The following ATP2C2 variants were observed in gnomAD, a reference collection of about 807,000 sequenced individuals.
The protein encoded by ATP2C2 is calcium-transporting ATPase type 2C member 2.
In ATP2C2, 171 loss-of-function variants were observed where a neutral mutation model predicts 110.8. The ratio of observed to expected loss-of-function variants is 1.54; its 90% CI spans 1.36 to 1.75. The LOEUF (loss-of-function observed/expected upper bound fraction) is 1.75, where lower values mean the gene tolerates loss of function less well. ATP2C2 is among the 40% of genes most tolerant of loss of function. The pLI is 0.00. For missense variants in ATP2C2, 1,963 were observed against 1,235.0 expected (o/e 1.59, Z -8.84); for synonymous variants, 804 against 508.4 (o/e 1.58, Z -7.82).
At chr16:84,391,368 A>G (rs2063679397) in intron 1 of ATP2C2, among the ~76,000 whole-genome samples, 1 of 152,194 alleles carries the variant, frequency 6.6e-6, no homozygotes, top group South Asian at 2.1e-4. Context: ...GGACGCACAT[A>G]CATGCTGTTA....
At chr16:84,404,798 A>G (rs1597774022) in intron 2 of ATP2C2, 1 of 351,822 alleles carries the variant, frequency 2.8e-6, no homozygotes, top group East Asian at 7.1e-5. Context: ...ACCATTTTAC[A>G]TTCCCAAGAC....
intron 21 of ATP2C2, 72 bp downstream of exon 21, chr16:84,455,056 T>C: frequency 5.4e-6 from 6 of 1,114,444 alleles, no homozygotes; most frequent in Non-Finnish European, 7.6e-6. Flanking sequence ...TGGAACCTGC[T>C]ACTGTGGAGA....
At chr16:84,444,076 A>G (rs559337014) in intron 15 of ATP2C2, among the ~76,000 whole-genome samples, 3 of 147,358 alleles carry the variant, frequency 2.0e-5, no homozygotes, top group African/African-American at 7.6e-5. Flanking sequence ...CTGAGGCAGG[A>G]GGATCCCTTG....
intron 1 of ATP2C2, among the ~76,000 whole-genome samples, chr16:84,390,733 C>G (rs1166813967): frequency 6.6e-6 from 1 of 152,128 alleles, no homozygotes; most frequent in Non-Finnish European, 1.5e-5. Context: ...TGCAAAGGTA[C>G]TAGATGCACT....
In ATP2C2 at chr16:84,368,606, C is replaced by A; in HGVS notation, c.-10C>A. ...CCTAGGGACGCAGGCAACGCCTGCG[C>A]CCGCTCACCATGGTCGAGGGACGCG... On this transcript the variant is annotated 5_prime_UTR_variant, in exon 1 of 27. Coordinates refer to ENST00000262429, the MANE Select transcript of ATP2C2 (RefSeq NM_014861.4). 6.5e-7 allele frequency: 1 copy of A among 1,546,652 alleles called. No individual in the cohort carries two copies. The highest frequency in any genetic ancestry group is 2.5e-5 in the East Asian group (1 of 39,460).
At chr16:84,389,718 T>A (rs533372466) in intron 1 of ATP2C2, among the ~76,000 whole-genome samples, 36 of 116,222 alleles carry the variant, frequency 3.1e-4, no homozygotes, top group Non-Finnish European at 2.4e-4. Flanking sequence ...TCTCACTGTT[T>A]CCTTTTTTTT....
At chr16:84,385,123 C>T (rs373408096) in intron 1 of ATP2C2, among the ~76,000 whole-genome samples, 12 of 152,140 alleles carry the variant, frequency 7.9e-5, no homozygotes, top group Admixed American at 3.9e-4. Context: ...GATGGGCTCA[C>T]GGTTCTGCAG....
At chr16:84,410,515 C>A in intron 4 of ATP2C2, 53 bp from the exon 5 acceptor site, 4 of 1,584,968 alleles carry the variant, frequency 2.5e-6, no homozygotes, top group Non-Finnish European at 3.5e-6. Context: ...CACGCCCTGT[C>A]CCCCCTCCCA....
intron 7 of ATP2C2, among the ~76,000 whole-genome samples, chr16:84,419,238 A>AC (rs1555559558): frequency 1.4e-5 from 2 of 138,356 alleles, no homozygotes; most frequent in Non-Finnish European, 3.1e-5. Context: ...AAAAAAAAAA[A>AC]GTGCTACTGG....
rs202234038 is a variant in ATP2C2, at chr16:84,411,947, TC to T, written c.515+1183del. On this transcript the variant is annotated intron_variant, in intron 6 of 26. Coordinates refer to ENST00000262429, the MANE Select transcript of ATP2C2 (RefSeq NM_014861.4). ...TTTCTTTCTTTCCTTTCTTTTCTTT[TC>T]TTTCTTTTCTTTCTTTCCTTTCTCT... 5.9e-5 allele frequency among the ~76,000 whole-genome samples: 9 copies of T among 151,334 alleles called. No homozygotes were observed. The East Asian group carries it at 1.7e-3, about 29-fold the overall frequency.
chr16:84,373,687 A>G (rs1392486901), intron 1 of ATP2C2, among the ~76,000 whole-genome samples: 5 of 152,202 alleles, frequency 3.3e-5, no homozygotes, highest in African/African-American at 1.2e-4. Flanking sequence ...GGACTGCCTT[A>G]AAGGCTGCCC....
chr16:84,384,935 G>C (rs1482742771), intron 1 of ATP2C2, among the ~76,000 whole-genome samples: 1 of 152,214 alleles, frequency 6.6e-6, no homozygotes, highest in Non-Finnish European at 1.5e-5. Context: ...TGTAATCCCA[G>C]CTACCTAGGA....
At chr16:84,370,465 G>A (rs559706554) in intron 1 of ATP2C2, among the ~76,000 whole-genome samples, 3 of 152,290 alleles carry the variant, frequency 2.0e-5, no homozygotes, top group East Asian at 3.9e-4. Flanking sequence ...CCAGGAAATG[G>A]CAATGAAGAT....
intron 17 of ATP2C2, among the ~76,000 whole-genome samples, chr16:84,451,510 G>A (rs1018722283): frequency 2.0e-5 from 3 of 152,206 alleles, no homozygotes; most frequent in African/African-American, 7.2e-5. Flanking sequence ...TGAGCCCTCT[G>A]CAGACCGAGG....
At chr16:84,418,305 A>G (rs1303235902) in intron 7 of ATP2C2, among the ~76,000 whole-genome samples, 2 of 151,348 alleles carry the variant, frequency 1.3e-5, no homozygotes, top group South Asian at 2.1e-4. Context: ...CCCCGACTCT[A>G]TTTTCGCCCC....
At chr16:84,426,398 A>G (rs1011904555) in intron 11 of ATP2C2, among the ~76,000 whole-genome samples, 1 of 152,138 alleles carries the variant, frequency 6.6e-6, no homozygotes, top group East Asian at 1.9e-4. Context: ...TTATGTTTCA[A>G]CTTGAGGTTT....
chr16:84,406,733 G>T, intron 3 of ATP2C2: 2 of 820,820 alleles, frequency 2.4e-6, no homozygotes, highest in Non-Finnish European at 2.9e-6. Flanking sequence ...GGAAGTTGGG[G>T]TTCAGGGAAG....
chr16:84,424,758 C>T (rs960421391), intron 10 of ATP2C2, among the ~76,000 whole-genome samples: 1 of 152,174 alleles, frequency 6.6e-6, no homozygotes, highest in Admixed American at 6.5e-5. Flanking sequence ...CAAATACTCT[C>T]AGTGTGGCCG....
intron 1 of ATP2C2, among the ~76,000 whole-genome samples, chr16:84,389,386 C>T (rs563575744): frequency 6.6e-6 from 1 of 152,334 alleles, no homozygotes; most frequent in African/African-American, 2.4e-5. Context: ...GACCACCACG[C>T]GAGTTTTGAG....
Sources: allele counts gnomAD v4.1 joint callset (sites outside exome capture counted in the v4.1 genomes callset), GRCh38; gene constraint gnomAD v4.1.1; transcripts MANE v1.5; gene names NCBI Gene and HGNC (gene_info 2026-07-23, HGNC 2026-07-21).